Variants in ERBIN observed in about 807,000 individuals in gnomAD.
ERBIN encodes the protein densin-180-like protein.
In ERBIN, 60 loss-of-function variants were observed where a neutral mutation model predicts 158.4. The observed-to-expected ratio is 0.38, with a 90% confidence interval of 0.31 to 0.47. The LOEUF (loss-of-function observed/expected upper bound fraction) is 0.47, where lower values mean the gene tolerates loss of function less well. Ranked by LOEUF, ERBIN falls within the 20% of genes least tolerant of loss-of-function variation. The pLI, the probability that ERBIN is intolerant of heterozygous loss-of-function variation, is 0.99. For synonymous variants in ERBIN, 594 were observed against 557.2 expected (o/e 1.07, Z -0.93); for missense variants, 1,610 against 1,648.0 (o/e 0.98, Z 0.40).
intron 1 of ERBIN, among the ~76,000 whole-genome samples, chr5:65,973,304 A>G (rs1190320951): frequency 6.6e-6 from 1 of 151,238 alleles, no homozygotes; most frequent in Admixed American, 6.6e-5. Flanking sequence ...CCCAATGTAA[A>G]TGACGAGTTA....
At chr5:66,041,455 A>G (rs1171302496) in intron 15 of ERBIN, among the ~76,000 whole-genome samples, 1 of 151,980 alleles carries the variant, frequency 6.6e-6, no homozygotes, top group Middle Eastern at 3.2e-3. Flanking sequence ...TGTAGCTAAA[A>G]TATTAGAGTC....
intron 21 of ERBIN, among the ~76,000 whole-genome samples, chr5:66,064,056 G>A (rs1282004478): frequency 1.3e-5 from 2 of 152,036 alleles, no homozygotes; most frequent in South Asian, 2.1e-4. Flanking sequence ...ATTATCTGTC[G>A]GTGAGATTTG....
chr5:65,974,258 C>T (rs1015383851), intron 1 of ERBIN, among the ~76,000 whole-genome samples: 2 of 152,104 alleles, frequency 1.3e-5, no homozygotes, highest in African/African-American at 4.8e-5. Flanking sequence ...CATTTGTGGA[C>T]CTGCTGCGGT....
intron 1 of ERBIN, among the ~76,000 whole-genome samples, chr5:65,942,124 C>G (rs1463420946): frequency 6.6e-6 from 1 of 152,222 alleles, no homozygotes; most frequent in South Asian, 2.1e-4. Flanking sequence ...CTCATACTCA[C>G]TCACTATCAC....
intron 1 of ERBIN, among the ~76,000 whole-genome samples, chr5:65,931,796 G>A (rs1406192669): frequency 6.6e-6 from 1 of 151,206 alleles, no homozygotes; most frequent in Non-Finnish European, 1.5e-5. Flanking sequence ...GGAAAAGGGA[G>A]GAAGATTTTC....
At chr5:65,974,259 C>T (rs552646005) in intron 1 of ERBIN, among the ~76,000 whole-genome samples, 1 of 152,254 alleles carries the variant, frequency 6.6e-6, no homozygotes, top group African/African-American at 2.4e-5. Context: ...ATTTGTGGAC[C>T]TGCTGCGGTG....
In ERBIN at chr5:66,009,123, C is replaced by T. The variant is rs191223025; in HGVS notation, c.308-2926C>T. Among the ~76,000 whole-genome samples the T allele has an allele frequency of 6.8e-4, 103 of 152,314 alleles. 2 individuals are homozygous for T. Among genetic ancestry groups the T allele is most frequent in the Non-Finnish European group, 7.3e-5 (5 of 68,030 alleles). ...ATGACATGTACCCTAGAATTCTAGC[C>T]CCACTGCCACCAGGCACTGCTACAT... On this transcript the variant is annotated intron_variant, in intron 4 of 25. Transcript: ENST00000284037.
chr5:66,058,320 G>A (rs1200907916), intron 21 of ERBIN, among the ~76,000 whole-genome samples: 1 of 151,864 alleles, frequency 6.6e-6, no homozygotes, highest in East Asian at 1.9e-4. Context: ...TGTGTTTTTT[G>A]GCTGCATAAG....
intron 21 of ERBIN, chr5:66,068,880 A>G: frequency 6.5e-7 from 1 of 1,532,436 alleles, no homozygotes; most frequent in Non-Finnish European, 8.7e-7. Context: ...TATTCAGAGC[A>G]TGCTGTCAAG....
intron 9 of ERBIN, 136 bp from the exon 10 acceptor site, chr5:66,024,170 A>T (rs2151148124): frequency 1.7e-6 from 1 of 590,506 alleles, no homozygotes; most frequent in African/African-American, 1.9e-5. Flanking sequence ...ATGGCATTTA[A>T]AAAACTACCT....
chr5:66,043,220 T>C, intron 16 of ERBIN, 22 bp downstream of exon 16: 1 of 1,606,812 alleles, frequency 6.2e-7, no homozygotes, highest in Non-Finnish European at 8.5e-7. Context: ...CTTTATTCTT[T>C]AAAATTTGAA....
chr5:66,071,910 A>G (rs1761566634), intron 21 of ERBIN, among the ~76,000 whole-genome samples: 1 of 152,164 alleles, frequency 6.6e-6, no homozygotes, highest in South Asian at 2.1e-4. Context: ...TTCATCTTCT[A>G]CATGTGTGTA....
intron 14 of ERBIN, among the ~76,000 whole-genome samples, chr5:66,035,321 T>C (rs1380167755): frequency 6.6e-6 from 1 of 152,100 alleles, no homozygotes; most frequent in Non-Finnish European, 1.5e-5. Context: ...CAAAATTGAG[T>C]ATACCACGTT....
In ERBIN at chr5:66,025,570, G is replaced by A; in HGVS notation, c.890+18G>A. 1.3e-6 allele frequency: 2 copies of A among 1,562,230 alleles called. No individual in the cohort carries two copies. Among genetic ancestry groups the A allele is most frequent in the Non-Finnish European group, 1.8e-6 (2 of 1,136,238 alleles). ...ATAGGAGGGTAAGTTTTTTGTGAAT[G>A]TATACACCCTCGAAGATTTTACTTT... On this transcript the variant is annotated intron_variant, in intron 11 of 25. Coordinates refer to ENST00000284037, the MANE Select transcript of ERBIN (RefSeq NM_001253697.2).
chr5:66,049,212 A>G (rs1758775976), intron 19 of ERBIN, among the ~76,000 whole-genome samples: 2 of 152,058 alleles, frequency 1.3e-5, no homozygotes, highest in African/African-American at 2.4e-5. Flanking sequence ...TTGTATCACA[A>G]AACATTTTTT....
chr5:66,018,534 A>T (rs796351639), intron 7 of ERBIN, among the ~76,000 whole-genome samples: 323 of 9,134 alleles, frequency 0.035, 113 homozygotes, highest in Non-Finnish European at 0.055. Context: ...ATATTATATT[A>T]TATAATATAT....
chr5:65,962,004 A>G (rs961716790), intron 1 of ERBIN, among the ~76,000 whole-genome samples: 2 of 152,218 alleles, frequency 1.3e-5, no homozygotes, highest in African/African-American at 4.8e-5. Context: ...TATAAGTTGT[A>G]TATATTTTAA....
chr5:66,021,876 T>G (rs1206715301), intron 8 of ERBIN, among the ~76,000 whole-genome samples: 1 of 152,118 alleles, frequency 6.6e-6, no homozygotes, highest in African/African-American at 2.4e-5. Flanking sequence ...GTATGCCAAG[T>G]GCGCTATGAA....
intron 1 of ERBIN, among the ~76,000 whole-genome samples, chr5:65,958,633 AGAG>A (rs1747556396): frequency 9.3e-6 from 1 of 107,030 alleles, no homozygotes; most frequent in Admixed American, 1.1e-4. Context: ...GACCGTGGGG[AGAG>A]GGGGAGAGAG....
Sources: allele counts gnomAD v4.1 joint callset (sites outside exome capture counted in the v4.1 genomes callset), GRCh38; gene constraint gnomAD v4.1.1; transcripts MANE v1.5; gene names NCBI Gene and HGNC (gene_info 2026-07-23, HGNC 2026-07-21).